Variants in KAZN observed in about 807,000 individuals in gnomAD.
The protein encoded by KAZN is kazrin.
A neutral mutation model predicts 87.4 loss-of-function variants in KAZN; 40 were observed. The ratio of observed to expected loss-of-function variants is 0.46; its 90% CI spans 0.36 to 0.60. The LOEUF is 0.60. Ranked by LOEUF, KAZN falls within the 20% of genes least tolerant of loss-of-function variation. The pLI is 0.00. For missense variants in KAZN, 898 were observed against 1,073.9 expected (o/e 0.84, Z 2.29); for synonymous variants, 466 against 458.3 (o/e 1.02, Z -0.22).
At chr1:14,491,370 G>T (rs984150946) in intron 2 of KAZN, among the ~76,000 whole-genome samples, 21 of 152,078 alleles carry the variant, frequency 1.4e-4, no homozygotes, top group Non-Finnish European at 2.6e-4. Context: ...TGTTACGTAG[G>T]TATAGACGTG....
intron 1 of KAZN, among the ~76,000 whole-genome samples, chr1:13,952,965 G>C (rs1220771723): frequency 6.6e-6 from 1 of 152,110 alleles, no homozygotes; most frequent in African/African-American, 2.4e-5. Context: ...TACATTTTTA[G>C]CTCATCATAA....
intron 2 of KAZN, among the ~76,000 whole-genome samples, chr1:14,457,051 G>C (rs879530167): frequency 6.6e-6 from 1 of 152,216 alleles, no homozygotes; most frequent in Admixed American, 6.5e-5. Context: ...CTGCACTCCA[G>C]CCTGGGTGAC....
At position 14,649,256 on chromosome 1, in the gene KAZN, T is replaced by C. The variant is rs142199378; in HGVS notation, c.226+50033T>C. 4.7e-3 allele frequency among the ~76,000 whole-genome samples: 715 copies of C among 152,358 alleles called. 6 individuals carry two copies. Among genetic ancestry groups the C allele is most frequent in the African/African-American group, 0.016 (651 of 41,582 alleles). ...GAAGGCCGAATCCACATACCATTGA[T>C]AGAGAACTTGCTTTATGCCAGGACT... On this transcript the variant is annotated intron_variant, in intron 1 of 14. Coordinates refer to ENST00000376030, the MANE Select transcript of KAZN (RefSeq NM_201628.3).
intron 2 of KAZN, among the ~76,000 whole-genome samples, chr1:14,424,007 A>G (rs920800606): frequency 3.9e-5 from 6 of 152,164 alleles, no homozygotes; most frequent in African/African-American, 1.4e-4. Flanking sequence ...CTGGATACAT[A>G]TGTGCCTTAA....
intron 1 of KAZN, among the ~76,000 whole-genome samples, chr1:14,920,194 G>A (rs1658336729): frequency 6.6e-6 from 1 of 151,162 alleles, no homozygotes; most frequent in African/African-American, 2.4e-5. Flanking sequence ...GTCTTCTCCA[G>A]TGATCTAAAG....
chr1:14,915,131 G>A (rs2101429045), intron 1 of KAZN, among the ~76,000 whole-genome samples: 1 of 152,264 alleles, frequency 6.6e-6, no homozygotes, highest in South Asian at 2.1e-4. Context: ...AGGTTGCGGT[G>A]AGCCAAGATC....
intron 8 of KAZN, among the ~76,000 whole-genome samples, chr1:15,074,458 G>T (rs1639650244): frequency 6.6e-6 from 1 of 152,146 alleles, no homozygotes; most frequent in South Asian, 2.1e-4. Context: ...CACTCCTCAT[G>T]GGTGTCCCCC....
At chr1:14,168,014 G>A (rs1177775513) in intron 1 of KAZN, among the ~76,000 whole-genome samples, 1 of 152,168 alleles carries the variant, frequency 6.6e-6, no homozygotes, top group Non-Finnish European at 1.5e-5. Flanking sequence ...CGTCCCATCA[G>A]GGCCGCAGTT....
intron 2 of KAZN, among the ~76,000 whole-genome samples, chr1:14,386,698 G>T (rs1308361823): frequency 1.3e-5 from 2 of 152,010 alleles, no homozygotes. Flanking sequence ...TAGTCTGATG[G>T]GCTTCCCTTT....
At chr1:14,396,229 T>C (rs112084907) in intron 2 of KAZN, among the ~76,000 whole-genome samples, 54 of 150,996 alleles carry the variant, frequency 3.6e-4, no homozygotes, top group African/African-American at 1.3e-3. Context: ...GGTCTTACAC[T>C]GGTCTGCACT....
At chr1:14,759,020 G>C (rs1306418163) in intron 1 of KAZN, among the ~76,000 whole-genome samples, 1 of 152,178 alleles carries the variant, frequency 6.6e-6, no homozygotes, top group East Asian at 1.9e-4. Flanking sequence ...CCAGGAATTA[G>C]TCCTAAGCTA....
intron 1 of KAZN, among the ~76,000 whole-genome samples, chr1:14,006,182 T>G (rs893205101): frequency 1.3e-5 from 2 of 152,240 alleles, no homozygotes; most frequent in African/African-American, 4.8e-5. Flanking sequence ...ATATTTTTGC[T>G]TTGTTGCCTG....
At chr1:14,844,697 G>T (rs1286690736) in intron 1 of KAZN, among the ~76,000 whole-genome samples, 1 of 152,152 alleles carries the variant, frequency 6.6e-6, no homozygotes, top group Non-Finnish European at 1.5e-5. Flanking sequence ...AGGAAATGAT[G>T]CTACTTTCAG....
chr1:14,138,112 C>A (rs1645151383), intron 1 of KAZN, among the ~76,000 whole-genome samples: 1 of 99,230 alleles, frequency 1.0e-5, no homozygotes, highest in Non-Finnish European at 2.0e-5. Context: ...TGTGTGTATA[C>A]ATATCCTATA....
intron 1 of KAZN, among the ~76,000 whole-genome samples, chr1:13,943,886 T>C (rs1557736613): frequency 6.6e-6 from 1 of 152,204 alleles, no homozygotes; most frequent in South Asian, 2.1e-4. Flanking sequence ...AATAACAAAC[T>C]TTGACAAGGA....
chr1:13,948,815 A>T (rs974645293), intron 1 of KAZN, among the ~76,000 whole-genome samples: 1 of 151,788 alleles, frequency 6.6e-6, no homozygotes, highest in African/African-American at 2.4e-5. Flanking sequence ...TTTTGCTGTT[A>T]TTTTCAGGAA....
At chr1:14,548,035 T>TAAAAA (rs35205953) in intron 2 of KAZN, among the ~76,000 whole-genome samples, 1 of 124,344 alleles carries the variant, frequency 8.0e-6, no homozygotes, top group Admixed American at 8.3e-5. Flanking sequence ...GGTGATGAGC[T>TAAAAA]AAAAAAAAAA....
intron 1 of KAZN, among the ~76,000 whole-genome samples, chr1:14,629,893 T>C (rs1679435836): frequency 6.6e-6 from 1 of 152,176 alleles, no homozygotes; most frequent in African/African-American, 2.4e-5. Flanking sequence ...CTGGTGGATG[T>C]TGATCATTTG....
At chr1:14,780,937 C>T (rs1234781865) in intron 1 of KAZN, among the ~76,000 whole-genome samples, 1 of 152,146 alleles carries the variant, frequency 6.6e-6, no homozygotes, top group Non-Finnish European at 1.5e-5. Flanking sequence ...CAGCAAAATC[C>T]CTTCTGCACT....
Sources: allele counts gnomAD v4.1 joint callset (sites outside exome capture counted in the v4.1 genomes callset), GRCh38; gene constraint gnomAD v4.1.1; transcripts MANE v1.5; gene names NCBI Gene and HGNC (gene_info 2026-07-23, HGNC 2026-07-21).